PMS1: variants seen among roughly 807,000 people sequenced by gnomAD.
PMS1 encodes PMS1 homolog 1, mismatch repair system component, also known as PMS1 protein homolog 1.
PMS1 carries 79 observed loss-of-function variants against 93.1 expected under a neutral mutation model. The observed-to-expected ratio is 0.85, with a 90% CI of 0.71 to 1.02. The LOEUF is 1.02. PMS1 is among the 50% of genes least tolerant of loss of function. The pLI, the probability that PMS1 is intolerant of heterozygous loss-of-function variation, is 0.00. For missense variants in PMS1, 1,064 were observed against 1,085.3 expected (o/e 0.98, Z 0.28); for synonymous variants, 335 against 363.4 (o/e 0.92, Z 0.89).
At chr2:189,791,976 CAAAG>C (rs1481491247) in intron 2 of PMS1, 35 bp downstream of exon 2, 10 of 1,597,838 alleles carry the variant, frequency 6.3e-6, no homozygotes, top group Non-Finnish European at 8.6e-6. Context: ...ACCTTTAAGA[CAAAG>C]AAAAGGGTCT....
In PMS1 at chr2:189,806,127, C is replaced by T. The variant is rs182079627; in HGVS notation, c.418+373C>T. ...TGGTAATAGTGGAAATAAACGATAC[C>T]ATCAAGATATGATTAAATAATTTAA... On this transcript the variant is annotated intron_variant, in intron 4 of 12. Coordinates refer to ENST00000441310, the MANE Select transcript of PMS1 (RefSeq NM_000534.5). 17 of 393,414 alleles carry T rather than the reference C, an allele frequency of 4.3e-5. No individual in the cohort carries two copies. The Admixed American group carries it at 5.9e-4, about 14-fold the overall frequency. 24.4% of individuals were successfully genotyped at this position (393,414 alleles called of 1,614,324 possible).
intron 9 of PMS1, among the ~76,000 whole-genome samples, chr2:189,863,225 G>T (rs892648905): frequency 5.4e-5 from 8 of 148,670 alleles, no homozygotes; most frequent in African/African-American, 2.0e-4. Context: ...TTTGTTTGTT[G>T]TTGTTGTTTT....
chr2:189,806,209 ATCAC>A (rs2050329614), intron 4 of PMS1: 1 of 280,080 alleles, frequency 3.6e-6, no homozygotes, highest in Non-Finnish European at 6.8e-6. Context: ...TACTGTACTT[ATCAC>A]TCAGTTTCAA....
chr2:189,833,492 G>T (rs2053133571), intron 5 of PMS1, among the ~76,000 whole-genome samples: 1 of 152,156 alleles, frequency 6.6e-6, no homozygotes, highest in Non-Finnish European at 1.5e-5. Context: ...TGAGGCAGGA[G>T]AATTACTTAA....
intron 4 of PMS1, among the ~76,000 whole-genome samples, chr2:189,811,366 T>C (rs1013936886): frequency 1.3e-5 from 2 of 150,534 alleles, no homozygotes; most frequent in South Asian, 2.1e-4. Context: ...GGTGGGCAGA[T>C]CACTTGAAGT....
chr2:189,801,262 G>T (rs147156769), intron 3 of PMS1, among the ~76,000 whole-genome samples: 1 of 152,150 alleles, frequency 6.6e-6, no homozygotes, highest in Non-Finnish European at 1.5e-5. Flanking sequence ...AAATTTACTC[G>T]TAATGGTTTT....
Position 189,795,856 on chromosome 2 carries a change from T to A in PMS1, c.220T>A (p.Tyr74Asn). 1 of 1,612,738 alleles carries A rather than the reference T, an allele frequency of 6.2e-7. No individual in the cohort carries two copies. The highest frequency in any genetic ancestry group is 1.7e-4 in the Middle Eastern group (1 of 6,060). Reference protein sequence around the residue: ...VDAPVMAMKYYTSKINSHEDL... With the variant: ...VDAPVMAMKYNTSKINSHEDL... ...TGCACCTGTAATGGCAATGAAGTAC[T>A]ACACCTCAAAAATAAATAGTCATGA... Residue 74 changes from tyrosine (Y) to asparagine (N), a missense_variant, in exon 3 of 13, where the codon TAC becomes AAC. Coordinates refer to ENST00000441310, the MANE Select transcript of PMS1 (RefSeq NM_000534.5).
chr2:189,821,135 T>C (rs2051818252), intron 5 of PMS1, among the ~76,000 whole-genome samples: 1 of 151,986 alleles, frequency 6.6e-6, no homozygotes, highest in African/African-American at 2.4e-5. Flanking sequence ...AGGTAAAATA[T>C]AAAGAGAAAT....
intron 5 of PMS1, among the ~76,000 whole-genome samples, chr2:189,826,282 G>A (rs1235974027): frequency 6.6e-6 from 1 of 152,180 alleles, no homozygotes; most frequent in African/African-American, 2.4e-5. Context: ...TAATTCAGGA[G>A]TGTGGCTCAA....
chr2:189,838,882 A>G (rs1355952206), intron 5 of PMS1, among the ~76,000 whole-genome samples: 1 of 152,232 alleles, frequency 6.6e-6, no homozygotes. Context: ...GGAATTAATT[A>G]CACATAGTCC....
At chr2:189,842,859 G>A (rs1319194023) in intron 5 of PMS1, among the ~76,000 whole-genome samples, 1 of 151,882 alleles carries the variant, frequency 6.6e-6, no homozygotes, top group African/African-American at 2.4e-5. Context: ...ATAGCAAGCA[G>A]TTTTCAATAA....
chr2:189,854,144 TA>T, intron 8 of PMS1, 62 bp downstream of exon 8: 1 of 1,380,806 alleles, frequency 7.2e-7, no homozygotes, highest in South Asian at 1.4e-5. Flanking sequence ...TGTTTTCATA[TA>T]AAAAGATTTG....
intron 6 of PMS1, among the ~76,000 whole-genome samples, chr2:189,844,478 T>C (rs1486901441): frequency 6.6e-6 from 1 of 151,918 alleles, no homozygotes; most frequent in Admixed American, 6.6e-5. Context: ...ACCCTGTCTC[T>C]ACTAAAAATA....
intron 2 of PMS1, 88 bp from the exon 3 acceptor site, chr2:189,795,681 G>C: frequency 9.4e-7 from 1 of 1,061,796 alleles, no homozygotes. Context: ...GTAAATAAAT[G>C]TCAAAATTCT....
intron 3 of PMS1, among the ~76,000 whole-genome samples, chr2:189,800,621 A>G (rs2049803476): frequency 6.6e-6 from 1 of 152,184 alleles, no homozygotes; most frequent in Admixed American, 6.5e-5. Flanking sequence ...AGACTAGCTT[A>G]TTTTGAAACT....
intron 1 of PMS1, among the ~76,000 whole-genome samples, chr2:189,789,537 A>G (rs577877336): frequency 3.3e-5 from 5 of 152,276 alleles, no homozygotes; most frequent in East Asian, 1.9e-4. Context: ...TCAGAACCCA[A>G]TATGTCGGCC....
intron 1 of PMS1, among the ~76,000 whole-genome samples, chr2:189,785,038 T>C (rs2048163392): frequency 6.6e-6 from 1 of 152,214 alleles, no homozygotes; most frequent in African/African-American, 2.4e-5. Flanking sequence ...TATTACATGC[T>C]AAGGAAATGT....
intron 3 of PMS1, among the ~76,000 whole-genome samples, chr2:189,796,587 T>A (rs966194859): frequency 7.9e-5 from 12 of 152,206 alleles, no homozygotes; most frequent in African/African-American, 2.4e-4. Flanking sequence ...TGAATTAGAC[T>A]ATTCTAGGTA....
At chr2:189,817,809 G>A (rs1004471709) in intron 4 of PMS1, among the ~76,000 whole-genome samples, 3 of 152,152 alleles carry the variant, frequency 2.0e-5, no homozygotes, top group Non-Finnish European at 2.9e-5. Flanking sequence ...CCACATAGAC[G>A]AGGTCATACT....
Sources: allele counts gnomAD v4.1 joint callset (sites outside exome capture counted in the v4.1 genomes callset), GRCh38; gene constraint gnomAD v4.1.1; transcripts MANE v1.5; gene names NCBI Gene and HGNC (gene_info 2026-07-23, HGNC 2026-07-21).